LCP2: variants seen among roughly 807,000 people sequenced by gnomAD.
LCP2 encodes the protein lymphocyte cytosolic protein 2, also known as 76 kDa tyrosine phosphoprotein.
LCP2 carries 29 observed loss-of-function variants against 74.5 expected under a neutral mutation model. That is an observed-to-expected ratio of 0.39 (90% CI 0.29 to 0.53). The LOEUF (loss-of-function observed/expected upper bound fraction) is 0.53, where lower values mean the gene tolerates loss of function less well. Among genes scored for constraint, LCP2 ranks in the 20% least tolerant of loss-of-function variants. The pLI is 0.72. For missense variants in LCP2, 604 were observed against 634.6 expected (o/e 0.95, Z 0.52); for synonymous variants, 228 against 229.5 (o/e 0.99, Z 0.06).
intron 7 of LCP2, among the ~76,000 whole-genome samples, chr5:170,269,018 G>A (rs17072386): frequency 0.048 from 7,278 of 150,290 alleles, 215 homozygotes; most frequent in South Asian, 0.078. Flanking sequence ...CTGCCATAGG[G>A]ATCTTGTTCT....
At position 170,256,380 on chromosome 5, in the gene LCP2, G is replaced by T; in HGVS notation, c.1150+146C>A. On this transcript the variant is annotated intron_variant, in intron 17 of 20. Transcript: ENST00000046794. The surrounding 1 kb of genome is among the most constrained non-coding windows in gnomAD (Gnocchi z 4.5). ...TCATTCCGACAGCCCTTGGCACACT[G>T]CAGACACGGAATTAAATGTTGAATG... is the stretch of plus-strand genomic sequence containing the variant. 1.5e-6 allele frequency: 1 copy of T among 688,152 alleles called. No individual in the cohort carries two copies. Among genetic ancestry groups the T allele is most frequent in the Non-Finnish European group, 2.6e-6 (1 of 383,558 alleles). The allele number at this position is 688,152 out of a possible 1,614,324, so 42.6% of individuals were successfully genotyped here.
chr5:170,249,273 C>T (rs551007603), intron 20 of LCP2, among the ~76,000 whole-genome samples: 10 of 151,124 alleles, frequency 6.6e-5, no homozygotes, highest in South Asian at 6.3e-4. Flanking sequence ...TGCAGTGAGC[C>T]GAGATTGCGC....
chr5:170,278,287 C>T (rs315734), intron 3 of LCP2, among the ~76,000 whole-genome samples: 62,927 of 116,812 alleles, frequency 0.54, 18,492 homozygotes, highest in African/African-American at 0.69. Context: ...GTGAAATGTG[C>T]TGCATATGCA....
intron 19 of LCP2, chr5:170,252,152 C>A: frequency 4.0e-6 from 1 of 250,574 alleles, no homozygotes. Flanking sequence ...CCATGTGATT[C>A]CTATGACAAG....
intron 6 of LCP2, among the ~76,000 whole-genome samples, chr5:170,272,880 G>A (rs975652358): frequency 6.6e-6 from 1 of 151,372 alleles, no homozygotes; most frequent in African/African-American, 2.4e-5. Flanking sequence ...CCAAAGTGTT[G>A]GGATTACAAG....
chr5:170,256,204 G>C lies in LCP2; in HGVS notation c.1150+322C>G, dbSNP rs1179853120. ...GCATGTGCATGTGTGTGCATGTATT[G>C]TGTATGTGTATATATGTGTATACCT... On this transcript the variant is annotated intron_variant, in intron 17 of 20. Coordinates refer to ENST00000046794, the MANE Select transcript of LCP2 (RefSeq NM_005565.5). This position sits in a 1 kb window ranked among gnomAD's most constrained non-coding sequence, Gnocchi z 4.5. Among the ~76,000 whole-genome samples the C allele has an allele frequency of 1.3e-5, 2 of 151,926 alleles. No individual in the cohort carries two copies. Among genetic ancestry groups the C allele is most frequent in the African/African-American group, 4.8e-5 (2 of 41,360 alleles).
intron 8 of LCP2, among the ~76,000 whole-genome samples, chr5:170,268,041 C>T (rs952907554): frequency 2.0e-5 from 3 of 152,100 alleles, no homozygotes; most frequent in Non-Finnish European, 4.4e-5. Context: ...TTTCAGGTGT[C>T]GGCCAGAAGG....
At position 170,250,711 on chromosome 5, in the gene LCP2, C is replaced by A. The variant is rs772469807; in HGVS notation, c.1479+19G>T. ...ATAAATAAAGACTTTGGGAAAATGTCGAAATTTGAAATCCTTACCTCTTTC... is the reference window on the plus strand; with the variant it reads ...ATAAATAAAGACTTTGGGAAAATGTAGAAATTTGAAATCCTTACCTCTTTC... On this transcript the variant is annotated intron_variant, in intron 20 of 20. Coordinates refer to ENST00000046794, the MANE Select transcript of LCP2 (RefSeq NM_005565.5). 6.8e-6 allele frequency: 11 copies of A among 1,607,580 alleles called. No homozygotes were observed. In the East Asian group the frequency reaches 1.6e-4, roughly 23 times the overall value.
chr5:170,261,242 C>T, intron 13 of LCP2, 105 bp from the exon 14 acceptor site: 1 of 838,144 alleles, frequency 1.2e-6, no homozygotes, highest in Non-Finnish European at 2.0e-6. Context: ...ATCGAACCCA[C>T]TGAGCCTAGG....
At chr5:170,272,176 C>T (rs1761907169) in intron 6 of LCP2, among the ~76,000 whole-genome samples, 2 of 152,172 alleles carry the variant, frequency 1.3e-5, no homozygotes, top group South Asian at 4.1e-4. Context: ...GCCCATCATT[C>T]CTGACTTTAC....
chr5:170,297,373 T>C (rs1379538959), intron 1 of LCP2, among the ~76,000 whole-genome samples, 161 bp downstream of exon 1: 1 of 152,206 alleles, frequency 6.6e-6, no homozygotes, highest in African/African-American at 2.4e-5. Flanking sequence ...TCAGGAAAAC[T>C]CAGCGGTCTA....
At position 170,297,535 on chromosome 5, in the gene LCP2, T is replaced by A. The variant is rs999050159; in HGVS notation, c.77A>T (p.Lys26Met). Residue 26 changes from lysine to methionine, a missense_variant and splice_region_variant, in exon 1 of 21, where the codon AAG (lysine) becomes ATG (methionine). Physicochemically the swap from Lys to Met is moderately conservative, Grantham distance 95. Transcript: ENST00000046794. ...DPDSLADYFK[K>M]LNYKDCEKAV... is the part of the protein sequence containing the mutation. ...CATTCACACAAGAGCAAGGCTTACCTTCTTGAAATAGTCAGCAAGGCTGTC... is the reference window on the plus strand; with the variant it reads ...CATTCACACAAGAGCAAGGCTTACCATCTTGAAATAGTCAGCAAGGCTGTC... The A allele has an allele frequency of 6.2e-7, 1 of 1,612,578 alleles. No homozygotes were observed. The highest frequency in any genetic ancestry group is 2.2e-5 in the East Asian group (1 of 44,840).
At chr5:170,289,941 G>A (rs779061603) in intron 2 of LCP2, among the ~76,000 whole-genome samples, 19 of 152,014 alleles carry the variant, frequency 1.2e-4, no homozygotes, top group East Asian at 3.9e-4. Context: ...AGACGAGGGC[G>A]TAAGCTGAGG....
chr5:170,250,912 G>A, intron 19 of LCP2, 27 bp from the exon 20 acceptor site: 2 of 1,603,900 alleles, frequency 1.2e-6, no homozygotes, highest in South Asian at 1.1e-5. Context: ...CTGTTATTAT[G>A]GGAGCAGTAA....
At chr5:170,270,950 G>A (rs761933204) in intron 6 of LCP2, 33 bp from the exon 7 acceptor site, 3 of 1,568,306 alleles carry the variant, frequency 1.9e-6, no homozygotes, top group Admixed American at 1.8e-5. Flanking sequence ...AGTGCAGTTT[G>A]TAGAGGCTCT....
At chr5:170,265,333 G>A (rs1319005840) in intron 10 of LCP2, among the ~76,000 whole-genome samples, 1 of 152,136 alleles carries the variant, frequency 6.6e-6, no homozygotes, top group Admixed American at 6.5e-5. Context: ...AAAAGTCTCA[G>A]GTGGGGTGTA....
At chr5:170,252,623 T>C (rs1581056703) in intron 18 of LCP2, 112 bp from the exon 19 acceptor site, 2 of 611,450 alleles carry the variant, frequency 3.3e-6, no homozygotes, top group Non-Finnish European at 5.8e-6. Flanking sequence ...TTCCAGGAGG[T>C]CTGAAACATT....
In LCP2 at chr5:170,256,072, G is replaced by A. The variant is rs1033501011; in HGVS notation, c.1150+454C>T. On this transcript the variant is annotated intron_variant, in intron 17 of 20. Transcript: ENST00000046794. This position sits in a 1 kb window ranked among gnomAD's most constrained non-coding sequence, Gnocchi z 4.5. Reference sequence around the variant, plus strand: ...AGGCAAACAGGATTCTGAGGATTCCGTAGGGAAACCGGAGCTGGAGGAATA... The same window carrying A: ...AGGCAAACAGGATTCTGAGGATTCCATAGGGAAACCGGAGCTGGAGGAATA... Among the ~76,000 whole-genome samples, 7 of 152,318 alleles carry A rather than the reference G, an allele frequency of 4.6e-5. No individual in the cohort carries two copies. The highest frequency in any genetic ancestry group is 3.4e-3 in the Middle Eastern group (1 of 294).
At chr5:170,265,924 G>T (rs1038852418) in intron 10 of LCP2, among the ~76,000 whole-genome samples, 3 of 152,126 alleles carry the variant, frequency 2.0e-5, no homozygotes, top group African/African-American at 7.2e-5. Context: ...AGCCTGATAT[G>T]GTGGAAAAGA....
Sources: allele counts gnomAD v4.1 joint callset (sites outside exome capture counted in the v4.1 genomes callset), GRCh38; gene constraint gnomAD v4.1.1; non-coding constraint Gnocchi (gnomAD v3.1); transcripts MANE v1.5; gene names NCBI Gene and HGNC (gene_info 2026-07-23, HGNC 2026-07-21).